Variants in LTBP1 observed in about 807,000 individuals in gnomAD.
LTBP1 encodes latent transforming growth factor beta binding protein 1.
In LTBP1, 129 loss-of-function variants were observed where a neutral mutation model predicts 207.6. The ratio of observed to expected loss-of-function variants is 0.62; its 90% CI spans 0.54 to 0.72. The LOEUF (loss-of-function observed/expected upper bound fraction) is 0.72. Ranked by LOEUF, LTBP1 falls within the 30% of genes least tolerant of loss-of-function variation. The pLI is 0.00. For missense variants in LTBP1, 2,281 were observed against 2,217.2 expected (o/e 1.03, Z -0.58); for synonymous variants, 963 against 833.7 (o/e 1.16, Z -2.67).
At chr2:33,242,212 G>A (rs755835072) in intron 9 of LTBP1, among the ~76,000 whole-genome samples, 5 of 152,016 alleles carry the variant, frequency 3.3e-5, no homozygotes, top group Non-Finnish European at 7.4e-5. Flanking sequence ...AGTGATTGAG[G>A]GCTGTATTTT....
At chr2:33,147,390 C>G (rs1350528278) in intron 5 of LTBP1, among the ~76,000 whole-genome samples, 1 of 152,202 alleles carries the variant, frequency 6.6e-6, no homozygotes, top group Non-Finnish European at 1.5e-5. Context: ...GCCTGAGATT[C>G]TGCATTTCTA....
intron 1 of LTBP1, among the ~76,000 whole-genome samples, chr2:32,948,168 A>C (rs540969583): frequency 2.8e-4 from 42 of 152,324 alleles, no homozygotes; most frequent in African/African-American, 1.0e-3. Flanking sequence ...AGCATCAATT[A>C]AACTCTGCAA....
At chr2:33,305,867 A>C (rs2094081483) in intron 22 of LTBP1, among the ~76,000 whole-genome samples, 1 of 152,182 alleles carries the variant, frequency 6.6e-6, no homozygotes, top group South Asian at 2.1e-4. Flanking sequence ...GTCAAATGTT[A>C]TTGCTAGGTA....
chr2:33,254,020 G>A (rs1297315806), intron 11 of LTBP1, among the ~76,000 whole-genome samples: 1 of 150,434 alleles, frequency 6.6e-6, no homozygotes, highest in Admixed American at 6.7e-5. Context: ...CTCCCAAGTA[G>A]CTGGGACTAC....
chr2:33,179,170 C>G (rs1195776255), intron 5 of LTBP1, among the ~76,000 whole-genome samples: 1 of 151,890 alleles, frequency 6.6e-6, no homozygotes, highest in Non-Finnish European at 1.5e-5. Context: ...AATTTGCAAA[C>G]TTTTTTAAAA....
chr2:33,296,405 G>A (rs1284196310), intron 20 of LTBP1, among the ~76,000 whole-genome samples: 3 of 152,036 alleles, frequency 2.0e-5, no homozygotes, highest in East Asian at 1.9e-4. Context: ...CCAAGTACTT[G>A]TTCAAGATTA....
At chr2:32,959,407 A>G (rs1407229910) in intron 2 of LTBP1, among the ~76,000 whole-genome samples, 1 of 151,886 alleles carries the variant, frequency 6.6e-6, no homozygotes, top group East Asian at 1.9e-4. Context: ...AAAATATGAT[A>G]ATAAAGTAAG....
chr2:33,259,533 A>G (rs750517428), intron 12 of LTBP1, 55 bp from the exon 13 acceptor site: 38 of 1,273,556 alleles, frequency 3.0e-5, no homozygotes, highest in Admixed American at 4.3e-5. Context: ...ATTGAAATAT[A>G]ATAGACTGAA....
intron 5 of LTBP1, among the ~76,000 whole-genome samples, chr2:33,169,192 C>G (rs2085203406): frequency 6.6e-6 from 1 of 152,200 alleles, no homozygotes; most frequent in Admixed American, 6.5e-5. Context: ...TCTTTCATGT[C>G]CCATGGGGAA....
At chr2:33,177,194 C>G (rs560515501) in intron 5 of LTBP1, among the ~76,000 whole-genome samples, 1 of 152,132 alleles carries the variant, frequency 6.6e-6, no homozygotes, top group Non-Finnish European at 1.5e-5. Context: ...TTAGTGTAAT[C>G]GACTCATGTT....
At chr2:33,267,740 T>A (rs1015618671) in intron 15 of LTBP1, among the ~76,000 whole-genome samples, 1 of 152,208 alleles carries the variant, frequency 6.6e-6, no homozygotes, top group African/African-American at 2.4e-5. Context: ...CAAACCTCTT[T>A]CAAACTAGCT....
intron 3 of LTBP1, among the ~76,000 whole-genome samples, chr2:33,025,986 A>G (rs2075393812): frequency 6.6e-6 from 1 of 152,198 alleles, no homozygotes; most frequent in African/African-American, 2.4e-5. Flanking sequence ...TATTCCTTGA[A>G]GTATGCCACC....
chr2:33,213,569 C>T, intron 7 of LTBP1, among the ~76,000 whole-genome samples: 1 of 152,214 alleles, frequency 6.6e-6, no homozygotes, highest in East Asian at 1.9e-4. Context: ...GATCTTTCCT[C>T]TACCTTCTTT....
chr2:33,067,076 G>GCAGGAGGATTCCTTGAGCC (rs1234219759), intron 3 of LTBP1, among the ~76,000 whole-genome samples: 3 of 152,194 alleles, frequency 2.0e-5, no homozygotes, highest in Admixed American at 6.5e-5. Context: ...AGAGGCTGAG[G>GCAGGAGGATTCCTTGAGCC]CAGGAGGATT....
chr2:33,368,024 G>C (rs1335112974), intron 31 of LTBP1, among the ~76,000 whole-genome samples: 1 of 152,110 alleles, frequency 6.6e-6, no homozygotes, highest in East Asian at 1.9e-4. Context: ...AGACCATACT[G>C]GCTAACACAG....
intron 3 of LTBP1, among the ~76,000 whole-genome samples, chr2:33,101,586 C>T (rs535568710): frequency 6.6e-6 from 1 of 152,124 alleles, no homozygotes; most frequent in Non-Finnish European, 1.5e-5. Flanking sequence ...AGGTTTGGTT[C>T]TTAGAATTCA....
chr2:33,034,324 G>A (rs2075820382), intron 3 of LTBP1, among the ~76,000 whole-genome samples: 1 of 151,900 alleles, frequency 6.6e-6, no homozygotes, highest in South Asian at 2.1e-4. Context: ...CAGAACCCAT[G>A]AAAACACTTG....
chr2:33,267,275 T>C (rs1174886451), intron 15 of LTBP1, among the ~76,000 whole-genome samples: 1 of 152,158 alleles, frequency 6.6e-6, no homozygotes, highest in Admixed American at 6.5e-5. Flanking sequence ...CCTTGGCAAG[T>C]GTGGGATCTG....
At chr2:32,951,611 T>A (rs1341398943) in intron 2 of LTBP1, among the ~76,000 whole-genome samples, 1 of 152,194 alleles carries the variant, frequency 6.6e-6, no homozygotes, top group African/African-American at 2.4e-5. Context: ...CTGTGTGGCC[T>A]CAGGGAGTTC....
Sources: gnomAD v4.1 joint callset for allele counts (sites outside exome capture counted in the v4.1 genomes callset) on GRCh38, gnomAD v4.1.1 for gene constraint, MANE v1.5 for transcripts, NCBI Gene and HGNC (gene_info 2026-07-23, HGNC 2026-07-21) for gene names.